Variants in CAPRIN2 observed in about 807,000 individuals in gnomAD.
CAPRIN2 encodes the protein caprin family member 2.
CAPRIN2 carries 66 observed loss-of-function variants against 130.4 expected under a neutral mutation model. The observed-to-expected ratio is 0.51, with a 90% CI of 0.42 to 0.62. The LOEUF (loss-of-function observed/expected upper bound fraction) is 0.62, where lower values mean the gene tolerates loss of function less well. Among genes scored for constraint, CAPRIN2 ranks in the 20% least tolerant of loss-of-function variants. The probability of loss-of-function intolerance (pLI) is 0.00; values close to 1 mark genes in which losing one functional copy is unlikely to be tolerated. For synonymous variants in CAPRIN2, 471 were observed against 444.1 expected (o/e 1.06, Z -0.76); for missense variants, 1,185 against 1,246.6 (o/e 0.95, Z 0.74).
At chr12:30,729,585 A>G (rs764650680) in intron 7 of CAPRIN2, among the ~76,000 whole-genome samples, 1 of 152,200 alleles carries the variant, frequency 6.6e-6, no homozygotes, top group Non-Finnish European at 1.5e-5. Flanking sequence ...CTTGCCTAAG[A>G]CTGGCAAGAA....
In CAPRIN2 at chr12:30,720,912, T is replaced by C. The variant is rs372431345; in HGVS notation, c.2047A>G (p.Thr683Ala). 23 of 1,605,206 alleles carry C rather than the reference T, an allele frequency of 1.4e-5. No homozygotes were observed. The highest frequency in any genetic ancestry group is 1.3e-4 in the South Asian group (12 of 90,902). The change falls in exon 12 of 17, where the codon ACT becomes GCT. Residue 683 changes from threonine (T) to alanine (A), a missense_variant. By Grantham distance (58) the Thr-to-Ala change is moderately conservative. Transcript: ENST00000298892. Reference sequence around the variant, plus strand: ...GAGCTACAAGTAACTGGAGAAGAAGTAGCCTAGACACAGGAAAATACAAAA... The same window carrying C: ...GAGCTACAAGTAACTGGAGAAGAAGCAGCCTAGACACAGGAAAATACAAAA...
At chr12:30,743,342 C>G (rs1355239718) in intron 2 of CAPRIN2, among the ~76,000 whole-genome samples, 1 of 152,142 alleles carries the variant, frequency 6.6e-6, no homozygotes, top group Non-Finnish European at 1.5e-5. Flanking sequence ...TACACAAATT[C>G]AAATGTGTTT....
At chr12:30,746,247 T>C (rs760208024) in intron 2 of CAPRIN2, among the ~76,000 whole-genome samples, 48 of 152,144 alleles carry the variant, frequency 3.2e-4, no homozygotes, top group Non-Finnish European at 1.2e-4. Context: ...ACAAAACCCA[T>C]AGAGCTGGGT....
At chr12:30,720,537 C>T (rs1281275814) in intron 12 of CAPRIN2, 1 of 239,566 alleles carries the variant, frequency 4.2e-6, no homozygotes. Flanking sequence ...TAGTGGAAAA[C>T]TTGACTTAAT....
At chr12:30,727,461 C>A (rs1236659383) in intron 8 of CAPRIN2, among the ~76,000 whole-genome samples, 1 of 152,152 alleles carries the variant, frequency 6.6e-6, no homozygotes, top group Non-Finnish European at 1.5e-5. Flanking sequence ...AATGGTTTAT[C>A]AGAAAGCCTT....
chr12:30,754,890 C>G (rs975467758), upstream of CAPRIN2: 4 of 152,230 alleles, frequency 2.6e-5, no homozygotes, highest in African/African-American at 4.8e-5. Flanking sequence ...TCTCCCCTCC[C>G]GGTCCTCGCC....
chr12:30,742,534 G>GACACTAAAACTAAGTAGAGA (rs1427893961), intron 2 of CAPRIN2, among the ~76,000 whole-genome samples: 1 of 151,926 alleles, frequency 6.6e-6, no homozygotes, highest in African/African-American at 2.4e-5. Flanking sequence ...CATCTATTCA[G>GACACTAAAACTAAGTAGAGA]ACACTAAAAC....
At chr12:30,725,738 A>AT (rs200168546) in intron 9 of CAPRIN2, among the ~76,000 whole-genome samples, 21 of 151,072 alleles carry the variant, frequency 1.4e-4, no homozygotes, top group South Asian at 4.2e-4. Context: ...TGCTTAATTC[A>AT]TTTTTTTTTG....
At chr12:30,723,769 T>C (rs1451351906) in intron 10 of CAPRIN2, among the ~76,000 whole-genome samples, 3 of 152,242 alleles carry the variant, frequency 2.0e-5, no homozygotes, top group Non-Finnish European at 4.4e-5. Context: ...TTGTTTCTTC[T>C]TGTTAATATC....
In CAPRIN2 at chr12:30,751,796, T is replaced by TAG. The variant is rs1017768801; in HGVS notation, c.421-665_421-664dup. On this transcript the variant is annotated intron_variant, in intron 1 of 16. Transcript: ENST00000298892. ...CAAGAATTCTTTTCTATCATTATCA[T>TAG]AGAGTAGGCTCATCTTGAAGTTATT... 8 of 21,150 alleles carry TAG rather than the reference T, an allele frequency of 3.8e-4. No individual in the cohort carries two copies. In the African/African-American group the frequency reaches 5.9e-3, roughly 16 times the overall value. 1.3% of individuals were successfully genotyped at this position (21,150 alleles called of 1,614,324 possible). A position where few individuals can be genotyped will look rare whatever the true frequency, so the allele number is the denominator to read the frequency against.
exon 1 of CAPRIN2, chr12:30,753,981 G>A (rs76953403): frequency 3.8e-6 from 2 of 529,314 alleles, no homozygotes; most frequent in African/African-American, 1.9e-5. Flanking sequence ...TTTCCACACC[G>A]GGACCTAAGG....
At chr12:30,719,322 T>C in intron 12 of CAPRIN2, 97 bp from the exon 14 acceptor site, 2 of 1,383,196 alleles carry the variant, frequency 1.4e-6, no homozygotes, top group East Asian at 2.3e-5. Context: ...GCAAGTTCTT[T>C]AGGATGACAT....
intron 2 of CAPRIN2, 63 bp from the exon 4 acceptor site, chr12:30,741,169 AT>A: frequency 1.0e-6 from 1 of 984,112 alleles, no homozygotes. Flanking sequence ...TGTGAAAATA[AT>A]GTTTCTTAAA....
intron 8 of CAPRIN2, among the ~76,000 whole-genome samples, chr12:30,726,638 C>T (rs189161557): frequency 6.6e-6 from 1 of 152,264 alleles, no homozygotes; most frequent in East Asian, 1.9e-4. Context: ...AATTGATGCA[C>T]ATTCTGAATT....
chr12:30,753,310 C>T, intron 1 of CAPRIN2, 34 bp downstream of exon 2: 3 of 1,524,126 alleles, frequency 2.0e-6, no homozygotes, highest in South Asian at 2.4e-5. Flanking sequence ...TCTTTAAGAT[C>T]ATGCATCTAC....
At chr12:30,714,894 GGT>G in intron 14 of CAPRIN2, 63 bp downstream of exon 16, 1 of 1,313,828 alleles carries the variant, frequency 7.6e-7, no homozygotes, top group Non-Finnish European at 1.1e-6. Context: ...AGGTAAAAAT[GGT>G]GTGAGTCAAG....
chr12:30,714,237 A>G (rs781539351), intron 14 of CAPRIN2, among the ~76,000 whole-genome samples: 2 of 152,242 alleles, frequency 1.3e-5, no homozygotes, highest in African/African-American at 2.4e-5. Flanking sequence ...GCTGGAGCAC[A>G]GTAGTGAGAT....
In CAPRIN2 at chr12:30,750,080, A is replaced by T. The variant is rs576726056; in HGVS notation, c.483+991T>A. On this transcript the variant is annotated intron_variant, in intron 2 of 16. Coordinates refer to ENST00000298892, the Ensembl canonical transcript of CAPRIN2. ...GAGTTATTGAACACACCGTGATTTT[A>T]AAACAAAGCTATGCTGAAATGCTGC... Among the ~76,000 whole-genome samples the T allele has an allele frequency of 5.9e-5, 9 of 152,356 alleles. No homozygotes were observed. The South Asian group carries it at 1.9e-3, about 32-fold the overall frequency.
chr12:30,734,857 C>T (rs1592161070), intron 4 of CAPRIN2, 111 bp downstream of exon 5: 2 of 510,548 alleles, frequency 3.9e-6, no homozygotes, highest in Non-Finnish European at 6.7e-6. Context: ...CTAACACACA[C>T]ACACACACAC....
Sources: gnomAD v4.1 joint callset for allele counts (sites outside exome capture counted in the v4.1 genomes callset) on GRCh38, gnomAD v4.1.1 for gene constraint, MANE v1.5 for transcripts, NCBI Gene and HGNC (gene_info 2026-07-23, HGNC 2026-07-21) for gene names.